PDIA5: variants seen among roughly 807,000 people sequenced by gnomAD.
PDIA5 encodes protein disulfide-isomerase A5.
PDIA5 carries 58 observed loss-of-function variants against 77.6 expected under a neutral mutation model. The ratio of observed to expected loss-of-function variants is 0.75; its 90% confidence interval spans 0.61 to 0.93. The LOEUF is 0.93. Among genes scored for constraint, PDIA5 ranks in the 40% least tolerant of loss-of-function variants. PDIA5 has a pLI of 0.00. For synonymous variants in PDIA5, 250 were observed against 252.1 expected (o/e 0.99, Z 0.08); for missense variants, 630 against 647.7 (o/e 0.97, Z 0.30).
At chr3:123,068,998 G>T (rs998402850) in intron 1 of PDIA5, among the ~76,000 whole-genome samples, 2 of 152,208 alleles carry the variant, frequency 1.3e-5, no homozygotes, top group African/African-American at 4.8e-5. Context: ...TCACCAGGAG[G>T]TGCGGAAGAG....
In PDIA5 at chr3:123,106,598, A is replaced by G. The variant is rs1330323167; in HGVS notation, c.388-151A>G. ...GATGTCAGTGGACAGCGGAAATAACACACCCTCCAAGCTTATGCCACATGC... is the reference window on the plus strand; with the variant it reads ...GATGTCAGTGGACAGCGGAAATAACGCACCCTCCAAGCTTATGCCACATGC... On this transcript the variant is annotated intron_variant, in intron 5 of 16. Transcript: ENST00000316218. 1.8e-5 allele frequency: 11 copies of G among 627,768 alleles called. No homozygotes were observed. The East Asian group carries it at 3.2e-4, about 18-fold the overall frequency. 38.9% of individuals were successfully genotyped at this position (627,768 alleles called of 1,614,324 possible). A position where few individuals can be genotyped will look rare whatever the true frequency, so the allele number is the denominator to read the frequency against.
chr3:123,155,743 G>A (rs1367748344), intron 15 of PDIA5, among the ~76,000 whole-genome samples: 1 of 152,184 alleles, frequency 6.6e-6, no homozygotes, highest in Non-Finnish European at 1.5e-5. Context: ...CTCAGTCATG[G>A]GAACCTCTGG....
chr3:123,081,803 C>T (rs549100753), intron 1 of PDIA5, among the ~76,000 whole-genome samples: 9 of 152,326 alleles, frequency 5.9e-5, no homozygotes, highest in South Asian at 4.1e-4. Flanking sequence ...GGTGCTGGCA[C>T]GCGCCCCAGA....
At chr3:123,098,359 T>G (rs1934496518) in intron 3 of PDIA5, among the ~76,000 whole-genome samples, 1 of 152,210 alleles carries the variant, frequency 6.6e-6, no homozygotes, top group African/African-American at 2.4e-5. Flanking sequence ...ACCTTGTTTT[T>G]TCTCTTTCTT....
At chr3:123,146,366 C>T (rs565413913) in intron 13 of PDIA5, 107 bp downstream of exon 13, 336 of 918,374 alleles carry the variant, frequency 3.7e-4, no homozygotes, top group Non-Finnish European at 5.0e-4. Context: ...TGGGCTCATG[C>T]CCGTAGGAGT....
chr3:123,161,646 C>T, intron 16 of PDIA5, 191 bp downstream of exon 16: 1 of 670,472 alleles, frequency 1.5e-6, no homozygotes, highest in South Asian at 1.9e-5. Context: ...AAGGGGTTGC[C>T]ACAGATGTCC....
Position 123,092,394 on chromosome 3 carries a change from T to G in PDIA5, c.209T>G (p.Val70Gly). 1 of 1,613,900 alleles carries G rather than the reference T, an allele frequency of 6.2e-7. No individual in the cohort carries two copies. The highest frequency in any genetic ancestry group is 8.5e-7 in the Non-Finnish European group (1 of 1,179,852). ...AENHLRLLST[V>G]AQAVKGQGTI... The stretch of plus-strand genomic sequence containing the variant: ...AATCATCTCAGGTTACTGTCCACAG[T>G]GGCCCAGGCGGTGAAAGGACAAGGG... The change falls in exon 3 of 17, where the codon GTG (valine) becomes GGG (glycine). Residue 70 changes from valine (V) to glycine (G), a missense_variant. Physicochemically the swap from Val to Gly is moderately radical, Grantham distance 109 (BLOSUM62 -3). Transcript: ENST00000316218.
intron 11 of PDIA5, 54 bp from the exon 12 acceptor site, chr3:123,145,468 C>A: frequency 7.2e-7 from 1 of 1,393,260 alleles, no homozygotes; most frequent in Non-Finnish European, 1.0e-6. Context: ...CGCAGGGGAG[C>A]ATCCCGAGGG....
At chr3:123,117,952 A>G (rs1196871363) in intron 8 of PDIA5, among the ~76,000 whole-genome samples, 1 of 152,204 alleles carries the variant, frequency 6.6e-6, no homozygotes, top group East Asian at 1.9e-4. Flanking sequence ...AAGGTTATCA[A>G]GAGGAGCCAT....
rs371689551 is a variant in PDIA5, at chr3:123,161,447, G to T, written c.1471G>T (p.Asp491Tyr). The change falls in exon 16 of 17, where the codon GAC (aspartate) becomes TAC (tyrosine). Residue 491 changes from aspartate (D) to tyrosine (Y), a missense_variant. By Grantham distance (160) the Asp-to-Tyr change is radical. Coordinates refer to ENST00000316218, the MANE Select transcript of PDIA5 (RefSeq NM_006810.4). ...GAAGTTCGCAGAAAAGTATGACAGC[G>T]ACCGCACAGTAAGTGGGGGAGAGGC... Reference protein sequence around the residue: ...YGKFAEKYDSDRTELGFTNYI... With the variant: ...YGKFAEKYDSYRTELGFTNYI... 4.3e-6 allele frequency: 7 copies of T among 1,613,792 alleles called. No individual in the cohort carries two copies. The East Asian group carries it at 1.3e-4, about 31-fold the overall frequency.
At chr3:123,106,494 G>A (rs1934736529) in intron 5 of PDIA5, among the ~76,000 whole-genome samples, 1 of 152,174 alleles carries the variant, frequency 6.6e-6, no homozygotes, top group Non-Finnish European at 1.5e-5. Flanking sequence ...TGGACTACCT[G>A]GCTGGAGTGA....
chr3:123,124,384 G>C (rs769741577), intron 10 of PDIA5, 41 bp downstream of exon 10: 8 of 1,454,634 alleles, frequency 5.5e-6, no homozygotes, highest in African/African-American at 1.4e-5. Context: ...TGGACCCAGA[G>C]GGCGGGGCAT....
intron 15 of PDIA5, among the ~76,000 whole-genome samples, chr3:123,158,366 T>G (rs1936068928): frequency 6.6e-6 from 1 of 152,102 alleles, no homozygotes; most frequent in African/African-American, 2.4e-5. Flanking sequence ...AAACAGGCAT[T>G]GTCAGAGTTT....
chr3:123,084,416 G>GA (rs985350642), intron 1 of PDIA5, among the ~76,000 whole-genome samples: 3 of 151,628 alleles, frequency 2.0e-5, no homozygotes, highest in African/African-American at 7.3e-5. Context: ...CTTTTCTTTA[G>GA]AAGTGTCCCC....
chr3:123,125,896 G>A (rs1935237610), intron 10 of PDIA5, among the ~76,000 whole-genome samples: 1 of 152,124 alleles, frequency 6.6e-6, no homozygotes, highest in Non-Finnish European at 1.5e-5. Flanking sequence ...CTGGGCCTTT[G>A]CTTTCCTGTT....
In PDIA5 at chr3:123,089,313, C is replaced by G. The variant is rs372691698; in HGVS notation, c.169+19C>G. On this transcript the variant is annotated intron_variant, in intron 2 of 16. Coordinates refer to ENST00000316218, the MANE Select transcript of PDIA5 (RefSeq NM_006810.4). ...AAATCTGGTGAGTGTCCCTTCCTGG[C>G]CTTGAGGTCAACCATCGGGGTAGGA... 74 of 1,612,524 alleles carry G rather than the reference C, an allele frequency of 4.6e-5. No individual in the cohort carries two copies. The Middle Eastern group carries it at 1.3e-3, about 29-fold the overall frequency.
intron 1 of PDIA5, among the ~76,000 whole-genome samples, chr3:123,076,627 A>C (rs1449656559): frequency 6.6e-6 from 1 of 152,206 alleles, no homozygotes; most frequent in African/African-American, 2.4e-5. Flanking sequence ...ATGGATGTAC[A>C]CCGTGGGTCA....
At chr3:123,136,813 G>A (rs2107972573) in intron 11 of PDIA5, among the ~76,000 whole-genome samples, 1 of 149,330 alleles carries the variant, frequency 6.7e-6, no homozygotes, top group African/African-American at 2.5e-5. Context: ...CCATTCTTCT[G>A]TGATTTGCTT....
chr3:123,104,693 T>TA (rs1934688344), intron 5 of PDIA5, among the ~76,000 whole-genome samples: 2 of 152,232 alleles, frequency 1.3e-5, no homozygotes, highest in African/African-American at 4.8e-5. Context: ...CCCAAATCCT[T>TA]ACTATAGAAG....
Sources: allele counts gnomAD v4.1 joint callset (sites outside exome capture counted in the v4.1 genomes callset), GRCh38; gene constraint gnomAD v4.1.1; transcripts MANE v1.5; gene names NCBI Gene and HGNC (gene_info 2026-07-23, HGNC 2026-07-21).